ARHGAP44: variants seen among roughly 807,000 people sequenced by gnomAD.
The protein encoded by ARHGAP44 is Rho GTPase activating protein 44, also known as rho GTPase-activating protein 44.
In ARHGAP44, 43 loss-of-function variants were observed where a neutral mutation model predicts 106.8. The ratio of observed to expected loss-of-function variants is 0.40; its 90% confidence interval spans 0.32 to 0.52. The LOEUF (loss-of-function observed/expected upper bound fraction) is 0.52. Among genes scored for constraint, ARHGAP44 ranks in the 20% least tolerant of loss-of-function variants. The pLI, the probability that ARHGAP44 is intolerant of heterozygous loss-of-function variation, is 0.48. For synonymous variants in ARHGAP44, 439 were observed against 410.3 expected (o/e 1.07, Z -0.85); for missense variants, 866 against 1,050.5 (o/e 0.82, Z 2.43).
At chr17:12,952,609 A>G in intron 13 of ARHGAP44, 28 bp downstream of exon 13, 1 of 1,524,178 alleles carries the variant, frequency 6.6e-7, no homozygotes, top group Non-Finnish European at 8.9e-7. Context: ...AAGTATAGAC[A>G]CATGGCTTGG....
At chr17:12,911,305 G>A (rs939185162) in intron 4 of ARHGAP44, among the ~76,000 whole-genome samples, 1 of 151,254 alleles carries the variant, frequency 6.6e-6, no homozygotes, top group East Asian at 1.9e-4. Flanking sequence ...TCCAAAATCC[G>A]CTAAAACTAC....
intron 16 of ARHGAP44, among the ~76,000 whole-genome samples, chr17:12,967,178 A>C (rs1340189753): frequency 6.8e-6 from 1 of 147,536 alleles, no homozygotes; most frequent in East Asian, 2.0e-4. Flanking sequence ...AGGGTGTGTC[A>C]ATGCCTGGAC....
intron 3 of ARHGAP44, among the ~76,000 whole-genome samples, chr17:12,898,165 G>A (rs906318472): frequency 2.0e-5 from 3 of 152,120 alleles, no homozygotes; most frequent in Non-Finnish European, 4.4e-5. Flanking sequence ...CTTTGTTGTG[G>A]TGTCTGCAGC....
intron 15 of ARHGAP44, among the ~76,000 whole-genome samples, chr17:12,957,338 T>TAATATCCATACC (rs2039155605): frequency 6.6e-6 from 1 of 152,200 alleles, no homozygotes; most frequent in Admixed American, 6.5e-5. Flanking sequence ...TTTACTGGTC[T>TAATATCCATACC]AATATCCATA....
intron 16 of ARHGAP44, among the ~76,000 whole-genome samples, chr17:12,961,025 T>C (rs10153250): frequency 0.17 from 26,013 of 152,116 alleles, 2,567 homozygotes; most frequent in East Asian, 0.48. Flanking sequence ...GAGGGTAAAT[T>C]CTGGTCCTGG....
chr17:12,987,574 T>C (rs1193966280), intron 20 of ARHGAP44: 1 of 156,564 alleles, frequency 6.4e-6, no homozygotes, highest in Non-Finnish European at 1.4e-5. Context: ...TAGGAAGGCG[T>C]CCTGAGGGGA....
chr17:12,937,749 T>G (rs1022370281), intron 7 of ARHGAP44, among the ~76,000 whole-genome samples: 8 of 152,172 alleles, frequency 5.3e-5, no homozygotes, highest in Non-Finnish European at 1.0e-4. Flanking sequence ...GAAAAATTAT[T>G]TAAAAGACCA....
rs79020403 is a variant in ARHGAP44 at position 12,826,856 on chromosome 17, G to A, written c.53+36965G>A. Among the ~76,000 whole-genome samples, 421 of 152,134 alleles carry A rather than the reference G, an allele frequency of 2.8e-3. 5 individuals carry two copies. The highest frequency in any genetic ancestry group is 9.5e-3 in the African/African-American group (393 of 41,518). On this transcript the variant is annotated intron_variant, in intron 1 of 20. Transcript: ENST00000379672. The stretch of plus-strand genomic sequence containing the variant: ...ACTGATTTCTTCTTGGTGTCTTTAC[G>A]ACTGTTCCCTCCCAGCTTCAAGTTT...
At chr17:12,895,263 T>TG (rs2037170306) in intron 2 of ARHGAP44, among the ~76,000 whole-genome samples, 2 of 152,224 alleles carry the variant, frequency 1.3e-5, no homozygotes, top group Non-Finnish European at 2.9e-5. Context: ...TTTTGTCTTT[T>TG]ACGACAGTAC....
In ARHGAP44 at chr17:12,991,550, G is replaced by A. The variant is rs1477127822; in HGVS notation, c.*1379G>A. ...ATGCCTCAATTTGTAATGGGAGTCT[G>A]GGGTAAGGGTGGGGGTTGAAAGTTG... On this transcript the variant is annotated 3_prime_UTR_variant, in exon 21 of 21. Transcript: ENST00000379672. The A allele has an allele frequency of 5.7e-6, 1 of 176,800 alleles. No homozygotes were observed. Among genetic ancestry groups the A allele is most frequent in the Non-Finnish European group, 1.2e-5 (1 of 81,918 alleles). 11.0% of individuals were successfully genotyped at this position (176,800 alleles called of 1,614,324 possible).
intron 10 of ARHGAP44, among the ~76,000 whole-genome samples, 198 bp downstream of exon 10, chr17:12,944,394 G>A (rs761570031): frequency 1.3e-5 from 2 of 152,122 alleles, no homozygotes; most frequent in Non-Finnish European, 1.5e-5. Context: ...TTGACAAGAA[G>A]AGAGAATTGT....
rs149071525 is a variant in ARHGAP44, at chr17:12,878,516, C to G, written c.54-16424C>G. 2.0e-3 allele frequency among the ~76,000 whole-genome samples: 304 copies of G among 152,266 alleles called. 2 individuals are homozygous for G. The highest frequency in any genetic ancestry group is 6.9e-3 in the African/African-American group (288 of 41,544). On this transcript the variant is annotated intron_variant, in intron 1 of 20. Transcript: ENST00000379672. ...CTGTCATCCTGTGGAATGACTCATC[C>G]CTTGAAAATGGTGGATAGTGCTTTT...
intron 19 of ARHGAP44, 101 bp from the exon 20 acceptor site, chr17:12,984,429 GT>G: frequency 7.5e-7 from 1 of 1,325,194 alleles, no homozygotes; most frequent in Non-Finnish European, 9.9e-7. Flanking sequence ...GGGGCAGGAG[GT>G]GGGGACAGCT....
intron 1 of ARHGAP44, among the ~76,000 whole-genome samples, chr17:12,857,879 A>G (rs370782700): frequency 9.9e-5 from 15 of 151,912 alleles, no homozygotes; most frequent in African/African-American, 3.6e-4. Flanking sequence ...GTTGCTAAAG[A>G]TTATGTCTGA....
At chr17:12,812,233 C>T (rs1307935372) in intron 1 of ARHGAP44, among the ~76,000 whole-genome samples, 1 of 152,004 alleles carries the variant, frequency 6.6e-6, no homozygotes, top group South Asian at 2.1e-4. Flanking sequence ...TTACTTATGC[C>T]CTAAGATAGT....
At chr17:12,987,008 G>A in intron 20 of ARHGAP44, 5 of 1,238,828 alleles carry the variant, frequency 4.0e-6, no homozygotes, top group Non-Finnish European at 4.5e-6. Flanking sequence ...CTGGGACTGT[G>A]ATATTGGCAT....
chr17:12,813,514 T>C (rs1355914455), intron 1 of ARHGAP44, among the ~76,000 whole-genome samples: 1 of 152,200 alleles, frequency 6.6e-6, no homozygotes, highest in East Asian at 1.9e-4. Flanking sequence ...TAAACATGCA[T>C]ATATATGCAT....
chr17:12,943,961 CCT>C lies in ARHGAP44; in HGVS notation c.734-103_734-102del, dbSNP rs144402097. On this transcript the variant is annotated intron_variant, in intron 9 of 20. Coordinates refer to ENST00000379672, the MANE Select transcript of ARHGAP44 (RefSeq NM_014859.6). ...CAGAATGGAGGCTCAATTGGGCCTC[CCT>C]CTCTTTGGTAATCTTAGGAGAATCT... 4.0e-3 allele frequency: 5,673 copies of C among 1,404,016 alleles called. 184 individuals are homozygous for C. In the African/African-American group the frequency reaches 0.072, roughly 18 times the overall value. The allele number at this position is 1,404,016 out of a possible 1,614,324, so 87.0% of individuals were successfully genotyped here.
intron 2 of ARHGAP44, among the ~76,000 whole-genome samples, chr17:12,895,224 C>T (rs913455573): frequency 4.1e-4 from 62 of 152,238 alleles, no homozygotes; most frequent in Non-Finnish European, 7.6e-4. Context: ...GCTCCAGCTG[C>T]TCCTTACGAA....
Sources: allele counts gnomAD v4.1 joint callset (sites outside exome capture counted in the v4.1 genomes callset), GRCh38; gene constraint gnomAD v4.1.1; transcripts MANE v1.5; gene names NCBI Gene and HGNC (gene_info 2026-07-23, HGNC 2026-07-21).